Variants in GHR observed in about 807,000 individuals in gnomAD.
The protein encoded by GHR is GH receptor.
A neutral mutation model predicts 67.1 loss-of-function variants in GHR; 35 were observed. The observed-to-expected ratio is 0.52, with a 90% confidence interval of 0.40 to 0.69. The LOEUF (loss-of-function observed/expected upper bound fraction) is 0.69, where lower values mean the gene tolerates loss of function less well. Ranked by LOEUF, GHR falls within the 30% of genes least tolerant of loss-of-function variation. The pLI is 0.00. For missense variants in GHR, 792 were observed against 764.6 expected (o/e 1.04, Z -0.42); for synonymous variants, 272 against 269.1 (o/e 1.01, Z -0.10).
At chr5:42,684,792 C>A (rs1757057047) in intron 3 of GHR, among the ~76,000 whole-genome samples, 1 of 152,172 alleles carries the variant, frequency 6.6e-6, no homozygotes, top group African/African-American at 2.4e-5. Context: ...TACAAAAACA[C>A]TCCTGCTATC....
At chr5:42,503,985 G>A (rs1035258110) in intron 1 of GHR, among the ~76,000 whole-genome samples, 1 of 152,122 alleles carries the variant, frequency 6.6e-6, no homozygotes, top group African/African-American at 2.4e-5. Context: ...TTAAACTGTG[G>A]CCATAGCACT....
At chr5:42,580,138 A>G (rs34895721) in intron 2 of GHR, among the ~76,000 whole-genome samples, 43,804 of 151,978 alleles carry the variant, frequency 0.29, 7,267 homozygotes, top group African/African-American at 0.43. Flanking sequence ...TATGTCTTAT[A>G]TCTGGGTTGA....
At chr5:42,685,091 C>A (rs1409291026) in intron 3 of GHR, among the ~76,000 whole-genome samples, 4 of 152,140 alleles carry the variant, frequency 2.6e-5, no homozygotes, top group Non-Finnish European at 5.9e-5. Context: ...TATCCCTCCC[C>A]CAGCCCCACA....
intron 1 of GHR, among the ~76,000 whole-genome samples, chr5:42,506,950 A>G (rs962079863): frequency 6.6e-6 from 1 of 152,210 alleles, no homozygotes; most frequent in Non-Finnish European, 1.5e-5. Flanking sequence ...CCAAACTGCT[A>G]ATCTTGGGTA....
At chr5:42,493,018 C>A (rs1241273638) in intron 1 of GHR, among the ~76,000 whole-genome samples, 2 of 152,132 alleles carry the variant, frequency 1.3e-5, no homozygotes, top group Admixed American at 6.5e-5. Context: ...AAGTCAAAAT[C>A]TATGCTGTCA....
At chr5:42,455,566 C>T (rs1744226677) in intron 1 of GHR, among the ~76,000 whole-genome samples, 1 of 152,086 alleles carries the variant, frequency 6.6e-6, no homozygotes, top group African/African-American at 2.4e-5. Flanking sequence ...GGAAATAATT[C>T]CCAATTTATA....
chr5:42,480,452 C>G (rs538426437), intron 1 of GHR, among the ~76,000 whole-genome samples: 1 of 152,292 alleles, frequency 6.6e-6, no homozygotes, highest in East Asian at 1.9e-4. Flanking sequence ...TGTTAACTTT[C>G]TGTCTCGTTG....
intron 5 of GHR, among the ~76,000 whole-genome samples, chr5:42,697,525 C>T (rs558028115): frequency 7.0e-6 from 1 of 143,480 alleles, no homozygotes; most frequent in Admixed American, 7.3e-5. Flanking sequence ...ATGTGTGTGT[C>T]TCAGGGAAGG....
intron 1 of GHR, among the ~76,000 whole-genome samples, chr5:42,441,700 G>A (rs569976174): frequency 2.0e-5 from 3 of 152,146 alleles, no homozygotes; most frequent in African/African-American, 4.8e-5. Context: ...TAGTAGAGAC[G>A]GGGTTTCACC....
At chr5:42,429,548 A>G (rs1368153395) in intron 1 of GHR, among the ~76,000 whole-genome samples, 1 of 152,220 alleles carries the variant, frequency 6.6e-6, no homozygotes. Flanking sequence ...TTAATTTCAT[A>G]CCTATAAACA....
chr5:42,600,985 G>A (rs1027012151), intron 2 of GHR, among the ~76,000 whole-genome samples: 4 of 126,298 alleles, frequency 3.2e-5, no homozygotes, highest in Admixed American at 2.9e-4. Context: ...GGAGTGCGAT[G>A]GTGCAATCTT....
chr5:42,630,087 G>A (rs921749451), intron 3 of GHR, among the ~76,000 whole-genome samples: 1 of 131,928 alleles, frequency 7.6e-6, no homozygotes, highest in Non-Finnish European at 1.6e-5. Context: ...TGCTTCCATG[G>A]AACTTTGTCC....
At chr5:42,661,099 C>A (rs1244722281) in intron 3 of GHR, among the ~76,000 whole-genome samples, 1 of 152,132 alleles carries the variant, frequency 6.6e-6, no homozygotes, top group African/African-American at 2.4e-5. Context: ...AAATATGGGA[C>A]TATGTGAAAA....
chr5:42,423,681 C>G lies in GHR; in HGVS notation c.-286C>G, dbSNP rs1295695367. The G allele has an allele frequency of 6.5e-6, 1 of 153,542 alleles. No individual in the cohort carries two copies. Among genetic ancestry groups the G allele is most frequent in the Non-Finnish European group, 1.5e-5 (1 of 68,394 alleles). The allele number at this position is 153,542 out of a possible 1,614,324, so 9.5% of individuals were successfully genotyped here. ...CCCCTGCCCTCCCATCCTCCCTTCC[C>G]GTTTCACCCCGCCCCCTCTCTCCTC... On this transcript the variant is annotated 5_prime_UTR_variant, in exon 1 of 10. Transcript: ENST00000230882.
chr5:42,599,590 A>T (rs1484952450), intron 2 of GHR, among the ~76,000 whole-genome samples: 1 of 151,674 alleles, frequency 6.6e-6, no homozygotes. Flanking sequence ...TGAACTCCTG[A>T]CCTCGTGATC....
At chr5:42,554,636 A>G (rs1157654457) in intron 1 of GHR, among the ~76,000 whole-genome samples, 1 of 152,108 alleles carries the variant, frequency 6.6e-6, no homozygotes, top group East Asian at 1.9e-4. Context: ...GCTTCATGGT[A>G]CAATGCAGTA....
chr5:42,576,143 T>A (rs559810104), intron 2 of GHR, among the ~76,000 whole-genome samples: 2,705 of 83,148 alleles, frequency 0.033, 45 homozygotes, highest in African/African-American at 0.043. Flanking sequence ...TAAAATAAAA[T>A]AGTAAAGTAA....
At chr5:42,544,929 G>C (rs1488107578) in intron 1 of GHR, among the ~76,000 whole-genome samples, 2 of 151,884 alleles carry the variant, frequency 1.3e-5, no homozygotes, top group Non-Finnish European at 2.9e-5. Context: ...TTTTTTGTTT[G>C]AGGGTAGTTG....
At chr5:42,453,051 GT>G (rs969397426) in intron 1 of GHR, among the ~76,000 whole-genome samples, 72 of 137,966 alleles carry the variant, frequency 5.2e-4, no homozygotes, top group East Asian at 4.5e-3. Context: ...TGTGGACTGT[GT>G]TTTTTTTTTA....
Sources: allele counts gnomAD v4.1 joint callset (sites outside exome capture counted in the v4.1 genomes callset), GRCh38; gene constraint gnomAD v4.1.1; transcripts MANE v1.5; gene names NCBI Gene and HGNC (gene_info 2026-07-23, HGNC 2026-07-21).